Variants in KYAT1 observed in about 807,000 individuals in gnomAD.
The protein encoded by KYAT1 is kynurenine aminotransferase 1.
Under a neutral mutation model 52.4 loss-of-function variants are expected in KYAT1, and 47 were observed. The ratio of observed to expected loss-of-function variants is 0.90; its 90% CI spans 0.71 to 1.14. KYAT1 has a LOEUF of 1.14. KYAT1 is among the 50% of genes most tolerant of loss of function. The probability of loss-of-function intolerance (pLI) is 0.00; values close to 1 mark genes in which losing one functional copy is unlikely to be tolerated. For synonymous variants in KYAT1, 212 were observed against 209.6 expected (o/e 1.01, Z -0.10); for missense variants, 480 against 557.9 (o/e 0.86, Z 1.41).
chr9:128,842,660 C>T lies in KYAT1; in HGVS notation c.195G>A (p.Lys65=), dbSNP rs1353476834. 2 of 1,613,738 alleles carry T rather than the reference C, an allele frequency of 1.2e-6. No individual in the cohort carries two copies. The highest frequency in any genetic ancestry group is 1.3e-5 in the African/African-American group (1 of 74,928). ...GAGAGATGGGGAGACTCACAAATGTCTTGGTGTACTGGTTAAGCATGAAGT... is the reference window on the plus strand; with the variant it reads ...GAGAGATGGGGAGACTCACAAATGTTTTGGTGTACTGGTTAAGCATGAAGT... The part of the protein sequence containing the change: ...SGDFMLNQYT[K]TFGYPPLTKI... The change falls in exon 3 of 13, where the codon AAG becomes AAA. Residue 65 remains lysine (K), a synonymous_variant. Coordinates refer to ENST00000302586, the MANE Select transcript of KYAT1 (RefSeq NM_004059.5).
Position 128,833,756 on chromosome 9 carries a change from C to T in KYAT1, c.1193G>A (p.Arg398His), listed in dbSNP as rs138904709. ...GCCCTTTACCTTCACAAAACAGAAG[C>T]GGATATAGTGGTCAAAGTGCTTCTG... ...PHQKHFDHYI[R>H]FCFVKDEATL... is the part of the protein sequence containing the mutation. Residue 398 changes from arginine to histidine, a missense_variant, in exon 12 of 13, where the codon CGC becomes CAC. By Grantham distance (29) the Arg-to-His change is conservative. Coordinates refer to ENST00000302586, the MANE Select transcript of KYAT1 (RefSeq NM_004059.5). The T allele has an allele frequency of 1.6e-4, 265 of 1,614,192 alleles. No individual in the cohort carries two copies. The highest frequency in any genetic ancestry group is 9.9e-4 in the African/African-American group (74 of 75,052).
chr9:128,862,283 G>A (rs1318412742), intron 1 of KYAT1, among the ~76,000 whole-genome samples: 1 of 152,154 alleles, frequency 6.6e-6, no homozygotes, highest in Non-Finnish European at 1.5e-5. Flanking sequence ...TTACAAATGT[G>A]AGCCACTGTA....
chr9:128,880,541 A>G (rs1014801041), intron 1 of KYAT1, among the ~76,000 whole-genome samples: 6 of 151,512 alleles, frequency 4.0e-5, no homozygotes, highest in Admixed American at 1.3e-4. Flanking sequence ...TCCCAGGTTC[A>G]TGCCATTCTC....
At chr9:128,871,538 G>A (rs753743259) in intron 1 of KYAT1, among the ~76,000 whole-genome samples, 103 of 151,774 alleles carry the variant, frequency 6.8e-4, no homozygotes, top group Admixed American at 1.2e-3. Context: ...ACAAGACCTT[G>A]TCTCTACAAA....
rs763774261 is a variant in KYAT1, at chr9:128,837,697, G to T, written c.555C>A (p.Asn185Lys). The T allele has an allele frequency of 3.1e-6, 5 of 1,614,162 alleles. No homozygotes were observed. Among genetic ancestry groups the T allele is most frequent in the Non-Finnish European group, 4.2e-6 (5 of 1,180,024 alleles). The change falls in exon 6 of 13, where the codon AAC (asparagine) becomes AAA (lysine). Residue 185 changes from asparagine (N) to lysine (K), a missense_variant. Transcript: ENST00000302586. ...GTCCCTCCAGTACCTTGCCCAGGGG[G>T]TTGTTGGGGGTGTTGAGGACCAGGG... The part of the protein sequence containing the change: ...TKALVLNTPN[N>K]PLGKVFSREE...
Position 128,838,271 on chromosome 9 carries a change from C to CA in KYAT1, c.297dup (p.Gly100TrpfsTer27). On this transcript the variant is annotated frameshift_variant, in exon 4 of 13. Coordinates refer to ENST00000302586, the MANE Select transcript of KYAT1 (RefSeq NM_004059.5). LOFTEE classifies it high-confidence loss of function. ...AAGGCTGTGAACAGGGCCCCATAGC[C>CA]ACCAACAGTCACCAGCACATTCCTG... The CA allele has an allele frequency of 4.3e-6, 7 of 1,614,218 alleles. No homozygotes were observed. The highest frequency in any genetic ancestry group is 5.9e-6 in the Non-Finnish European group (7 of 1,180,044).
intron 1 of KYAT1, among the ~76,000 whole-genome samples, chr9:128,858,446 A>C (rs7027285): frequency 1 from 137,752 of 138,212 alleles, 68,650 homozygotes; most frequent in Middle Eastern, 1. Context: ...ACCTGTAATC[A>C]CAGCACTTTG....
At chr9:128,834,448 C>T (rs1439969043) in intron 11 of KYAT1, among the ~76,000 whole-genome samples, 1 of 152,120 alleles carries the variant, frequency 6.6e-6, no homozygotes, top group Admixed American at 6.5e-5. Context: ...GGGCCAACTC[C>T]TCACTGTACA....
rs1051026821 is a variant in KYAT1, at chr9:128,833,332, C to A, written c.*252G>T. On this transcript the variant is annotated 3_prime_UTR_variant, in exon 13 of 13. Transcript: ENST00000302586. Reference sequence around the variant, plus strand: ...GGAGAGACCAGAAGCAACACAAGACCCTACAAACCCACCTATGGAGGGGCA... The same window carrying A: ...GGAGAGACCAGAAGCAACACAAGACACTACAAACCCACCTATGGAGGGGCA... The A allele has an allele frequency of 1.7e-6, 1 of 594,282 alleles. No homozygotes were observed. The highest frequency in any genetic ancestry group is 3.0e-6 in the Non-Finnish European group (1 of 334,736). The allele number at this position is 594,282 out of a possible 1,614,324, so 36.8% of individuals were successfully genotyped here.
At chr9:128,880,871 G>A (rs892768085) in intron 1 of KYAT1, among the ~76,000 whole-genome samples, 24 of 152,142 alleles carry the variant, frequency 1.6e-4, no homozygotes, top group African/African-American at 5.8e-4. Context: ...TGGGAGCCAC[G>A]ACTATCTTCA....
At chr9:128,834,373 G>A (rs1017576938) in intron 11 of KYAT1, among the ~76,000 whole-genome samples, 5 of 152,212 alleles carry the variant, frequency 3.3e-5, no homozygotes, top group African/African-American at 1.2e-4. Flanking sequence ...GCAGGTCAGG[G>A]CAGAGCCAGA....
intron 3 of KYAT1, among the ~76,000 whole-genome samples, chr9:128,839,229 G>T (rs1340490775): frequency 6.6e-6 from 1 of 152,068 alleles, no homozygotes; most frequent in Non-Finnish European, 1.5e-5. Context: ...CTCCCAAAGT[G>T]CTGGGATTAC....
intron 1 of KYAT1, among the ~76,000 whole-genome samples, chr9:128,875,904 T>C (rs1837950048): frequency 6.6e-6 from 1 of 152,026 alleles, no homozygotes; most frequent in African/African-American, 2.4e-5. Flanking sequence ...CCTGGGCCCG[T>C]GGAATGCATC....
At chr9:128,866,526 G>C (rs758011304) in intron 1 of KYAT1, among the ~76,000 whole-genome samples, 1 of 152,192 alleles carries the variant, frequency 6.6e-6, no homozygotes, top group African/African-American at 2.4e-5. Context: ...TTGAACCTGG[G>C]AAGTGGAGGT....
chr9:128,871,087 C>T (rs1433346197), intron 1 of KYAT1, among the ~76,000 whole-genome samples: 2 of 151,950 alleles, frequency 1.3e-5, no homozygotes, highest in African/African-American at 2.4e-5. Context: ...GAGGCAAAGG[C>T]GGGTAGATTG....
intron 1 of KYAT1, among the ~76,000 whole-genome samples, chr9:128,876,374 T>C (rs1283387474): frequency 1.3e-5 from 2 of 151,352 alleles, no homozygotes; most frequent in South Asian, 2.1e-4. Context: ...GCTTGGATTA[T>C]AGGCATGAGA....
intron 1 of KYAT1, among the ~76,000 whole-genome samples, chr9:128,858,393 T>TACAAAAA (rs1403633530): frequency 2.1e-3 from 1 of 480 alleles, no homozygotes; most frequent in African/African-American, 5.7e-3. Context: ...TGAGACCATG[T>TACAAAAA]ATAAAAAAAA....
At chr9:128,844,253 T>G (rs1307045755) in intron 2 of KYAT1, among the ~76,000 whole-genome samples, 1 of 152,134 alleles carries the variant, frequency 6.6e-6, no homozygotes, top group Non-Finnish European at 1.5e-5. Context: ...CTAAAATGTG[T>G]CATTTTTGGC....
At position 128,881,882 on chromosome 9, in the gene KYAT1, G is replaced by C; in HGVS notation, c.-7+15C>G. ...CCTGACCTTGGGGAAGTGGCGCTCC[G>C]ACACAGCTACTCACCCTCACCTGGG... On this transcript the variant is annotated intron_variant, in intron 1 of 12. Transcript: ENST00000302586. 6.6e-6 allele frequency: 1 copy of C among 152,532 alleles called. No homozygotes were observed. The highest frequency in any genetic ancestry group is 1.9e-4 in the East Asian group (1 of 5,202). The allele number at this position is 152,532 out of a possible 1,614,324, so 9.4% of individuals were successfully genotyped here.
Sources: allele counts gnomAD v4.1 joint callset (sites outside exome capture counted in the v4.1 genomes callset), GRCh38; gene constraint gnomAD v4.1.1; transcripts MANE v1.5; gene names NCBI Gene and HGNC (gene_info 2026-07-23, HGNC 2026-07-21).